The following PIK3C2G variants were observed in gnomAD, a reference collection of about 807,000 sequenced individuals.
The protein encoded by PIK3C2G is phosphatidylinositol-4-phosphate 3-kinase catalytic subunit type 2 gamma.
PIK3C2G carries 168 observed loss-of-function variants against 181.1 expected under a neutral mutation model. The observed-to-expected ratio is 0.93, with a 90% CI of 0.82 to 1.05. The LOEUF (loss-of-function observed/expected upper bound fraction) is 1.05. Among genes scored for constraint, PIK3C2G ranks in the 50% least tolerant of loss-of-function variants. PIK3C2G has a pLI of 0.00. For missense variants in PIK3C2G, 1,869 were observed against 1,732.8 expected (o/e 1.08, Z -1.40); for synonymous variants, 573 against 592.2 (o/e 0.97, Z 0.47).
intron 31 of PIK3C2G, among the ~76,000 whole-genome samples, chr12:18,630,947 G>C (rs1204865216): frequency 6.6e-6 from 1 of 152,004 alleles, no homozygotes; most frequent in East Asian, 1.9e-4. Context: ...CTTCAGGGGA[G>C]TGTTAAGTCT....
At chr12:18,572,220 C>CT (rs1259796076) in intron 29 of PIK3C2G, among the ~76,000 whole-genome samples, 1 of 149,828 alleles carries the variant, frequency 6.7e-6, no homozygotes, top group Non-Finnish European at 1.5e-5. Context: ...ATATAATCAA[C>CT]TTTTTTTAGT....
chr12:18,335,936 G>A (rs1410734146), intron 8 of PIK3C2G, among the ~76,000 whole-genome samples: 1 of 151,982 alleles, frequency 6.6e-6, no homozygotes, highest in South Asian at 2.1e-4. Flanking sequence ...CCCAGTATTA[G>A]TATTTCAATT....
At position 18,640,452 on chromosome 12, in the gene PIK3C2G, C is replaced by T. The variant is rs371319345; in HGVS notation, c.4206C>T (p.Pro1402=). Residue 1402 remains proline (P), a synonymous_variant, in exon 32 of 33, where the codon CCC becomes CCT. Transcript: ENST00000538779. The part of the protein sequence containing the change: ...KNIHLPDGSA[P]SAHVEFYLLP... ...AGCATCTCCCAGATGGCTCTGCGCC[C>T]AGTGCACATGTTGAATTTTATCTTT... The T allele has an allele frequency of 6.3e-4, 1,011 of 1,610,150 alleles. 1 individual carries two copies. Among genetic ancestry groups the T allele is most frequent in the Non-Finnish European group, 8.0e-4 (944 of 1,177,832 alleles).
intron 18 of PIK3C2G, among the ~76,000 whole-genome samples, chr12:18,471,445 TA>T (rs1938449323): frequency 1.3e-5 from 2 of 152,184 alleles, no homozygotes; most frequent in Non-Finnish European, 2.9e-5. Flanking sequence ...TCTATCTTTG[TA>T]ACCTTTTCAC....
intron 11 of PIK3C2G, among the ~76,000 whole-genome samples, chr12:18,347,497 A>G (rs551146934): frequency 6.6e-6 from 1 of 152,308 alleles, no homozygotes; most frequent in South Asian, 2.1e-4. Flanking sequence ...GAAAAACTGA[A>G]ATAAATAATT....
At chr12:18,333,204 G>A (rs1938161438) in intron 8 of PIK3C2G, among the ~76,000 whole-genome samples, 1 of 151,928 alleles carries the variant, frequency 6.6e-6, no homozygotes, top group South Asian at 2.1e-4. Flanking sequence ...GATCTCAGCG[G>A]GGTTCAGAAA....
chr12:18,639,066 G>A (rs866728142), intron 31 of PIK3C2G, among the ~76,000 whole-genome samples: 1 of 151,900 alleles, frequency 6.6e-6, no homozygotes, highest in Non-Finnish European at 1.5e-5. Flanking sequence ...CCTGGGGGAG[G>A]ATATCAAATG....
At chr12:18,420,910 C>T (rs770369758) in intron 16 of PIK3C2G, 31 bp from the exon 17 acceptor site, 6 of 1,141,856 alleles carry the variant, frequency 5.3e-6, no homozygotes, top group East Asian at 2.4e-5. Flanking sequence ...TTACCATTAA[C>T]AGCTTAGTGG....
intron 31 of PIK3C2G, among the ~76,000 whole-genome samples, chr12:18,623,189 A>T (rs1948940747): frequency 6.6e-6 from 1 of 151,720 alleles, no homozygotes; most frequent in Non-Finnish European, 1.5e-5. Context: ...CTTATATTTA[A>T]GTCTTTAACT....
chr12:18,696,322 CTATA>C, the PIK3C2G span: 310 of 266,900 alleles, frequency 1.2e-3, 3 homozygotes, highest in East Asian at 3.7e-3. Context: ...TAAAAAGCCA[CTATA>C]TATATATATA....
chr12:18,366,756 C>T (rs1405180511), intron 12 of PIK3C2G, among the ~76,000 whole-genome samples: 3 of 150,916 alleles, frequency 2.0e-5, no homozygotes, highest in African/African-American at 7.3e-5. Flanking sequence ...AAAAAGCAAT[C>T]TGTTTCCGCT....
intron 17 of PIK3C2G, among the ~76,000 whole-genome samples, chr12:18,422,361 C>T (rs771323720): frequency 6.6e-6 from 1 of 151,794 alleles, no homozygotes; most frequent in Non-Finnish European, 1.5e-5. Flanking sequence ...ACTCATTGTC[C>T]TTAGACTTCT....
At chr12:18,333,832 A>G (rs546800577) in intron 8 of PIK3C2G, among the ~76,000 whole-genome samples, 2 of 152,304 alleles carry the variant, frequency 1.3e-5, no homozygotes, top group African/African-American at 4.8e-5. Flanking sequence ...AATCTGGAAG[A>G]TGGTAAGCTG....
Position 18,421,021 on chromosome 12 carries a change from C to T in PIK3C2G, c.2396C>T (p.Pro799Leu). ...LLNDELLEYL[P>L]QLVQAVKFEW... The stretch of plus-strand genomic sequence containing the variant: ...AATGATGAACTACTGGAATATCTCC[C>T]ACAGCTAGTTCAGGTAAGAATAGAA... Residue 799 changes from proline (P) to leucine (L), a missense_variant, in exon 17 of 33, where the codon CCA (proline) becomes CTA (leucine). Pro to Leu is a moderately conservative substitution (Grantham distance 98). Coordinates refer to ENST00000538779, the MANE Select transcript of PIK3C2G (RefSeq NM_001288772.2). 6.4e-6 allele frequency: 10 copies of T among 1,574,134 alleles called. No individual in the cohort carries two copies. Among genetic ancestry groups the T allele is most frequent in the Non-Finnish European group, 8.7e-6 (10 of 1,144,120 alleles).
the PIK3C2G span, chr12:18,696,043 T>C: frequency 1.6e-6 from 1 of 630,978 alleles, no homozygotes; most frequent in South Asian, 1.7e-5. Flanking sequence ...GCCCCCGGGC[T>C]AAAAAATCTT....
intron 29 of PIK3C2G, among the ~76,000 whole-genome samples, chr12:18,583,644 C>T (rs988998773): frequency 2.0e-5 from 3 of 152,126 alleles, no homozygotes; most frequent in African/African-American, 7.2e-5. Flanking sequence ...CCACACAGGT[C>T]CTGGTCATCA....
the PIK3C2G span, among the ~76,000 whole-genome samples, chr12:18,721,661 G>T: frequency 2.0e-5 from 3 of 150,864 alleles, no homozygotes; most frequent in Non-Finnish European, 2.9e-5. Flanking sequence ...GACATAAAGA[G>T]CTTGAGCCAG....
At chr12:18,631,833 T>C (rs1949365068) in intron 31 of PIK3C2G, among the ~76,000 whole-genome samples, 2 of 152,196 alleles carry the variant, frequency 1.3e-5, no homozygotes, top group African/African-American at 4.8e-5. Flanking sequence ...GAATAGAAGA[T>C]AGATTCAGAT....
intron 2 of PIK3C2G, among the ~76,000 whole-genome samples, chr12:18,283,464 G>C (rs376627070): frequency 1.5e-4 from 23 of 152,244 alleles, no homozygotes; most frequent in Middle Eastern, 6.8e-3. Context: ...GCAGTTTCCT[G>C]GGTGAGGCAG....
Sources: gnomAD v4.1 joint callset for allele counts (sites outside exome capture counted in the v4.1 genomes callset) on GRCh38, gnomAD v4.1.1 for gene constraint, MANE v1.5 for transcripts, NCBI Gene and HGNC (gene_info 2026-07-23, HGNC 2026-07-21) for gene names.